PDCL3: variants seen among roughly 807,000 people sequenced by gnomAD.
PDCL3 encodes the protein phosducin like 3.
PDCL3 carries 22 observed loss-of-function variants against 26.5 expected under a neutral mutation model. That is an observed-to-expected ratio of 0.83 (90% CI 0.59 to 1.19). The LOEUF (loss-of-function observed/expected upper bound fraction) is 1.19. PDCL3 is among the 50% of genes most tolerant of loss of function. The pLI, the probability that PDCL3 is intolerant of heterozygous loss-of-function variation, is 0.00. For missense variants in PDCL3, 246 were observed against 294.1 expected (o/e 0.84, Z 1.20); for synonymous variants, 81 against 104.9 (o/e 0.77, Z 1.39).
At chr2:100,565,295 G>GA (rs1675039805) in intron 1 of PDCL3, among the ~76,000 whole-genome samples, 1 of 116,134 alleles carries the variant, frequency 8.6e-6, no homozygotes, top group Non-Finnish European at 1.7e-5. Context: ...TTTTTTTTGA[G>GA]ACAGAGTCTA....
intron 5 of PDCL3, among the ~76,000 whole-genome samples, chr2:100,575,421 C>T (rs948951730): frequency 3.9e-5 from 6 of 152,354 alleles, no homozygotes; most frequent in South Asian, 4.1e-4. Flanking sequence ...AGGCATGTGC[C>T]ACCGCGCCCG....
chr2:100,567,048 G>T (rs1281782720), intron 2 of PDCL3, among the ~76,000 whole-genome samples: 2 of 152,164 alleles, frequency 1.3e-5, no homozygotes, highest in Non-Finnish European at 2.9e-5. Context: ...TCTGAGGGGG[G>T]TTTTCTCAAA....
At chr2:100,569,363 TAA>T (rs376927396) in intron 3 of PDCL3, among the ~76,000 whole-genome samples, 1 of 152,074 alleles carries the variant, frequency 6.6e-6, no homozygotes, top group East Asian at 1.9e-4. Context: ...TCTCAAAAAA[TAA>T]AATGAAATGT....
chr2:100,575,359 T>A (rs367639645), intron 5 of PDCL3, among the ~76,000 whole-genome samples: 2 of 152,140 alleles, frequency 1.3e-5, no homozygotes, highest in Non-Finnish European at 1.5e-5. Flanking sequence ...ATGGTCTCGA[T>A]CTCCAGACTT....
At chr2:100,563,177 G>A (rs545819507) in intron 1 of PDCL3, 104 bp downstream of exon 1, 10 of 1,419,756 alleles carry the variant, frequency 7.0e-6, no homozygotes, top group East Asian at 2.6e-5. Context: ...CTCCGGCGCC[G>A]CAGGCACGAG....
Position 100,569,606 on chromosome 2 carries a change from A to C in PDCL3, c.253A>C (p.Thr85Pro), listed in dbSNP as rs756168195. ...GCGGAGACTGGCTGAGTGGAAAGCA[A>C]CTAAACTGAAGAATAAATTCGGAGA... ...RRRRLAEWKA[T>P]KLKNKFGEVL... is the part of the protein sequence containing the mutation. The change falls in exon 4 of 6, where the codon ACT becomes CCT. Residue 85 changes from threonine (T) to proline (P), a missense_variant. Physicochemically the swap from Thr to Pro is conservative, Grantham distance 38. Coordinates refer to ENST00000264254, the MANE Select transcript of PDCL3 (RefSeq NM_024065.5). The C allele has an allele frequency of 1.2e-6, 2 of 1,613,780 alleles. No individual in the cohort carries two copies. The highest frequency in any genetic ancestry group is 2.2e-5 in the South Asian group (2 of 91,066).
rs373815725 is a variant in PDCL3, at chr2:100,563,380, G to A, written c.6+307G>A. 12 of 375,692 alleles carry A rather than the reference G, an allele frequency of 3.2e-5. No individual in the cohort carries two copies. The East Asian group carries it at 4.6e-4, about 14-fold the overall frequency. The allele number at this position is 375,692 out of a possible 1,614,324, so 23.3% of individuals were successfully genotyped here. A position where few individuals can be genotyped will look rare whatever the true frequency, so the allele number is the denominator to read the frequency against. ...TCTTGCCGGATCCCGCCTAACAAAA[G>A]TTACCTCCTCTCCTGAACTCCCCTA... On this transcript the variant is annotated intron_variant, in intron 1 of 5. Coordinates refer to ENST00000264254, the MANE Select transcript of PDCL3 (RefSeq NM_024065.5).
intron 1 of PDCL3, 28 bp from the exon 2 acceptor site, chr2:100,566,475 C>T: frequency 6.2e-7 from 1 of 1,610,742 alleles, no homozygotes; most frequent in Non-Finnish European, 8.5e-7. Flanking sequence ...ACTTAGCACT[C>T]ATGGTAACCT....
At position 100,572,063 on chromosome 2, in the gene PDCL3, T is replaced by C. The variant is rs148004729; in HGVS notation, c.577+265T>C. On this transcript the variant is annotated intron_variant, in intron 5 of 5. Coordinates refer to ENST00000264254, the MANE Select transcript of PDCL3 (RefSeq NM_024065.5). ...ATATTGGTGTGGAATATATTTTGTC[T>C]CTACAGTTGGATGTTTTTGTAGCTT... The C allele has an allele frequency of 2.1e-3, 896 of 422,350 alleles. 15 individuals are homozygous for C. The highest frequency in any genetic ancestry group is 0.017 in the African/African-American group (829 of 49,966). The allele number at this position is 422,350 out of a possible 1,614,324, so 26.2% of individuals were successfully genotyped here.
At chr2:100,564,954 C>T (rs553966893) in intron 1 of PDCL3, among the ~76,000 whole-genome samples, 1 of 152,222 alleles carries the variant, frequency 6.6e-6, no homozygotes, top group East Asian at 1.9e-4. Context: ...TTATGAGCTA[C>T]TCTGAGACGT....
At position 100,569,584 on chromosome 2, in the gene PDCL3, G is replaced by T; in HGVS notation, c.231G>T (p.Arg77=). ...CTCTCCTTGTTTTGTGCAGACGGCGGAGACTGGCTGAGTGGAAAGCAACTA... is the reference window on the plus strand; with the variant it reads ...CTCTCCTTGTTTTGTGCAGACGGCGTAGACTGGCTGAGTGGAAAGCAACTA... ...DERAIEMYRR[R]RLAEWKATKL... Residue 77 remains arginine (R), a synonymous_variant, in exon 4 of 6, where the codon CGG becomes CGT. Transcript: ENST00000264254. The T allele has an allele frequency of 6.2e-7, 1 of 1,613,074 alleles. No homozygotes were observed.
chr2:100,565,049 G>C (rs1199617335), intron 1 of PDCL3, among the ~76,000 whole-genome samples: 2 of 152,210 alleles, frequency 1.3e-5, no homozygotes, highest in African/African-American at 4.8e-5. Context: ...AAATGTCACA[G>C]TCTCTTTGCT....
At chr2:100,571,114 C>CA (rs59012685) in intron 4 of PDCL3, among the ~76,000 whole-genome samples, 27,344 of 108,966 alleles carry the variant, frequency 0.25, 3,798 homozygotes, top group East Asian at 0.53. Context: ...CCTGTCTTTA[C>CA]AAAAAAAAAA....
At chr2:100,565,540 C>T (rs1044022403) in intron 1 of PDCL3, among the ~76,000 whole-genome samples, 1 of 152,028 alleles carries the variant, frequency 6.6e-6, no homozygotes, top group African/African-American at 2.4e-5. Context: ...TCCCAAAGTG[C>T]TGGGATTACA....
At chr2:100,567,628 T>C (rs1675082399) in intron 2 of PDCL3, among the ~76,000 whole-genome samples, 1 of 152,006 alleles carries the variant, frequency 6.6e-6, no homozygotes, top group Admixed American at 6.6e-5. Flanking sequence ...CATCTGGGTA[T>C]TCCTGAAGGG....
intron 5 of PDCL3, among the ~76,000 whole-genome samples, chr2:100,573,912 A>G (rs1224492729): frequency 3.3e-5 from 5 of 152,214 alleles, no homozygotes; most frequent in African/African-American, 1.2e-4. Context: ...GAACTTACAT[A>G]TAACGATTGC....
At chr2:100,568,902 T>C in intron 2 of PDCL3, 29 bp from the exon 3 acceptor site, 1 of 1,564,620 alleles carries the variant, frequency 6.4e-7, no homozygotes, top group Non-Finnish European at 8.8e-7. Flanking sequence ...TTTTAAATTT[T>C]TGCTTTTTGC....
chr2:100,576,270 G>GA, intron 5 of PDCL3, 84 bp from the exon 6 acceptor site: 2 of 1,481,744 alleles, frequency 1.3e-6, no homozygotes, highest in Non-Finnish European at 1.8e-6. Flanking sequence ...TTTCTACTTA[G>GA]AAAAAACTAG....
At chr2:100,567,895 T>C (rs916202529) in intron 2 of PDCL3, among the ~76,000 whole-genome samples, 1 of 151,868 alleles carries the variant, frequency 6.6e-6, no homozygotes, top group Non-Finnish European at 1.5e-5. Context: ...CAATCTTGGC[T>C]CACTGCAACC....
Sources: gnomAD v4.1 joint callset for allele counts (sites outside exome capture counted in the v4.1 genomes callset) on GRCh38, gnomAD v4.1.1 for gene constraint, MANE v1.5 for transcripts, NCBI Gene and HGNC (gene_info 2026-07-23, HGNC 2026-07-21) for gene names.